Variants in FHIP1A observed in about 807,000 individuals in gnomAD.
FHIP1A encodes FHF complex subunit HOOK-interacting protein 1A.
Under a neutral mutation model 88.6 loss-of-function variants are expected in FHIP1A, and 61 were observed. The ratio of observed to expected loss-of-function variants is 0.69; its 90% CI spans 0.56 to 0.85. The LOEUF (loss-of-function observed/expected upper bound fraction) is 0.85, where lower values mean the gene tolerates loss of function less well. Among genes scored for constraint, FHIP1A ranks in the 40% least tolerant of loss-of-function variants. The pLI is 0.00. For synonymous variants in FHIP1A, 478 were observed against 496.0 expected (o/e 0.96, Z 0.48); for missense variants, 1,154 against 1,273.5 (o/e 0.91, Z 1.43).
chr4:151,612,049 G>A (rs2407069), intron 7 of FHIP1A, among the ~76,000 whole-genome samples: 48,493 of 151,868 alleles, frequency 0.32, 7,764 homozygotes, highest in Non-Finnish European at 0.33. Flanking sequence ...TCTAGTTCCA[G>A]TTCCTCATTT....
chr4:151,504,907 C>G (rs183908443), intron 3 of FHIP1A, among the ~76,000 whole-genome samples: 1 of 152,104 alleles, frequency 6.6e-6, no homozygotes, highest in Non-Finnish European at 1.5e-5. Context: ...AGGGAGCCGC[C>G]GCGCCCAGCC....
chr4:151,498,976 G>C (rs1218520278), intron 3 of FHIP1A, among the ~76,000 whole-genome samples: 2 of 152,196 alleles, frequency 1.3e-5, no homozygotes, highest in African/African-American at 4.8e-5. Flanking sequence ...AAAGGCAAAT[G>C]TATGAGCTTG....
In FHIP1A at chr4:151,526,247, T is replaced by G. The variant is rs1167990388; in HGVS notation, c.-122-39891T>G. Among the ~76,000 whole-genome samples the G allele has an allele frequency of 3.3e-5, 5 of 152,212 alleles. No individual in the cohort carries two copies. In the East Asian group the frequency reaches 9.6e-4, roughly 29 times the overall value. On this transcript the variant is annotated intron_variant, in intron 3 of 13. Transcript: ENST00000435205. ...TTCCACAAAACCGCCATTGTCATCA[T>G]GGCCCATTCTCAATGAGCTGTTGGG...
At chr4:151,505,613 C>T (rs7676493) in intron 3 of FHIP1A, among the ~76,000 whole-genome samples, 78,949 of 151,940 alleles carry the variant, frequency 0.52, 20,803 homozygotes, top group African/African-American at 0.55. Context: ...AATAATTGAA[C>T]GCTGAATGTT....
chr4:151,421,569 G>T (rs1412535295), intron 1 of FHIP1A, among the ~76,000 whole-genome samples: 3 of 151,928 alleles, frequency 2.0e-5, no homozygotes, highest in African/African-American at 7.3e-5. Flanking sequence ...ATATTTGGTA[G>T]TCTTGGCTAT....
intron 7 of FHIP1A, among the ~76,000 whole-genome samples, chr4:151,592,862 C>T (rs1461247486): frequency 2.0e-5 from 3 of 152,098 alleles, no homozygotes; most frequent in Non-Finnish European, 4.4e-5. Flanking sequence ...AGTGGTATTG[C>T]CTAGGTTTTC....
intron 1 of FHIP1A, among the ~76,000 whole-genome samples, chr4:151,412,665 T>TTCTC (rs199893682): frequency 7.6e-5 from 9 of 118,602 alleles, no homozygotes; most frequent in Middle Eastern, 3.6e-3. Context: ...CTTTCTTTCT[T>TTCTC]TCTCTCTCTC....
rs1040622837 is a variant in FHIP1A at position 151,418,172 on chromosome 4, TA to T, written c.-356+8730del. On this transcript the variant is annotated intron_variant, in intron 1 of 13. Transcript: ENST00000435205. Reference sequence around the variant, plus strand: ...TGGTGACAGAGTAGGAACCTATCTCTAAAAAAAAAAAAAAAAAAAAAAACAA... The same window carrying T: ...TGGTGACAGAGTAGGAACCTATCTCTAAAAAAAAAAAAAAAAAAAAAACAA... Among the ~76,000 whole-genome samples the T allele has an allele frequency of 2.1e-3, 164 of 77,940 alleles. No individual in the cohort carries two copies. In the Middle Eastern group the frequency reaches 0.031, roughly 15 times the overall value. 51.1% of individuals were successfully genotyped at this position (77,940 alleles called of 152,430 possible).
chr4:151,455,463 T>C (rs2126589285), intron 2 of FHIP1A, among the ~76,000 whole-genome samples: 1 of 152,322 alleles, frequency 6.6e-6, no homozygotes, highest in East Asian at 1.9e-4. Flanking sequence ...ATTCTCTTTG[T>C]AATAGTGAGG....
intron 1 of FHIP1A, among the ~76,000 whole-genome samples, chr4:151,441,753 A>C (rs1728420830): frequency 6.6e-6 from 1 of 152,192 alleles, no homozygotes; most frequent in South Asian, 2.1e-4. Context: ...AACTTCAAAG[A>C]ATATTTTTTC....
At chr4:151,532,813 T>TA (rs1731926356) in intron 3 of FHIP1A, among the ~76,000 whole-genome samples, 1 of 152,068 alleles carries the variant, frequency 6.6e-6, no homozygotes, top group Non-Finnish European at 1.5e-5. Context: ...AGGGACTTCT[T>TA]ACATGGCAGC....
intron 1 of FHIP1A, among the ~76,000 whole-genome samples, chr4:151,412,964 G>A (rs529995947): frequency 4.6e-5 from 7 of 152,042 alleles, no homozygotes; most frequent in Non-Finnish European, 8.8e-5. Context: ...GATTATAGAC[G>A]TGAGCCACCG....
intron 3 of FHIP1A, among the ~76,000 whole-genome samples, chr4:151,492,591 C>CAAA (rs59887435): frequency 2.3e-4 from 22 of 94,230 alleles, no homozygotes; most frequent in African/African-American, 7.5e-4. Context: ...GGCTGTGTCT[C>CAAA]AAAAAAAAAA....
chr4:151,491,705 A>G (rs775069283), intron 3 of FHIP1A, among the ~76,000 whole-genome samples: 3 of 152,198 alleles, frequency 2.0e-5, no homozygotes, highest in Admixed American at 6.5e-5. Flanking sequence ...GAATGGCAGA[A>G]TGGATAAAAA....
intron 3 of FHIP1A, among the ~76,000 whole-genome samples, chr4:151,547,685 G>A (rs1277982367): frequency 1.3e-5 from 2 of 152,076 alleles, no homozygotes; most frequent in East Asian, 1.9e-4. Context: ...AGGCCAAGGC[G>A]GGCGGATCAC....
intron 3 of FHIP1A, among the ~76,000 whole-genome samples, chr4:151,510,019 G>A (rs1280735597): frequency 6.6e-6 from 1 of 152,066 alleles, no homozygotes; most frequent in East Asian, 1.9e-4. Context: ...TCCTACTCTG[G>A]CCCTTTCCTT....
intron 3 of FHIP1A, among the ~76,000 whole-genome samples, chr4:151,541,060 G>GT (rs1345802964): frequency 6.6e-6 from 1 of 152,210 alleles, no homozygotes; most frequent in Non-Finnish European, 1.5e-5. Context: ...GATGAAGCTA[G>GT]TGTTGTTACT....
At chr4:151,552,153 A>G (rs62329091) in intron 3 of FHIP1A, among the ~76,000 whole-genome samples, 49,350 of 152,062 alleles carry the variant, frequency 0.32, 8,045 homozygotes, top group Non-Finnish European at 0.34. Flanking sequence ...TTAGAATGGC[A>G]ATCATTAAAA....
chr4:151,649,851 G>A lies in FHIP1A; in HGVS notation c.1810G>A (p.Val604Ile), dbSNP rs1471071755. 6.4e-7 allele frequency: 1 copy of A among 1,551,604 alleles called. No individual in the cohort carries two copies. The highest frequency in any genetic ancestry group is 8.7e-7 in the Non-Finnish European group (1 of 1,146,968). Residue 604 changes from valine (V) to isoleucine (I), a missense_variant, in exon 11 of 14, where the codon GTT becomes ATT. Transcript: ENST00000435205. ...GSPGPYDDLE[V>I]SGPPAPIDPP... ...CCCAGGGCCTTATGATGATCTGGAG[G>A]TTTCAGGCCCCCCAGCACCCATTGA...
Sources: allele counts gnomAD v4.1 joint callset (sites outside exome capture counted in the v4.1 genomes callset), GRCh38; gene constraint gnomAD v4.1.1; transcripts MANE v1.5; gene names NCBI Gene and HGNC (gene_info 2026-07-23, HGNC 2026-07-21).